Variants in KCNQ5 observed in about 807,000 individuals in gnomAD.
KCNQ5 encodes the protein potassium voltage-gated channel subfamily KQT member 5.
A neutral mutation model predicts 98.2 loss-of-function variants in KCNQ5; 30 were observed. That is an observed-to-expected ratio of 0.31 (90% CI 0.23 to 0.41). KCNQ5 has a LOEUF of 0.41. Ranked by LOEUF, KCNQ5 falls within the 10% of genes least tolerant of loss-of-function variation. The pLI is 1.00. For synonymous variants in KCNQ5, 458 were observed against 449.4 expected, an observed-to-expected ratio of 1.02 and a Z score of -0.24; for missense variants, 835 against 1,182.5, an observed-to-expected ratio of 0.71 and a Z score of 4.31.
At position 72,850,699 on chromosome 6, in the gene KCNQ5, CTA is replaced by C. The variant is rs1777217964; in HGVS notation, c.399-153208_399-153207del. 1.3e-5 allele frequency among the ~76,000 whole-genome samples: 2 copies of C among 152,158 alleles called. 1 individual carries two copies. The highest frequency in any genetic ancestry group is 4.1e-4 in the South Asian group (2 of 4,834). On this transcript the variant is annotated intron_variant, in intron 1 of 13. Transcript: ENST00000370398. ...GGTCACAGCCATAGCTGGAGCTTCTCTAAACAACCAGGTTTTCCTGGTTGGAT... is the reference window on the plus strand; with the variant it reads ...GGTCACAGCCATAGCTGGAGCTTCTCAACAACCAGGTTTTCCTGGTTGGAT...
chr6:72,839,364 T>A (rs1341132867), intron 1 of KCNQ5, among the ~76,000 whole-genome samples: 2 of 152,252 alleles, frequency 1.3e-5, no homozygotes, highest in Non-Finnish European at 2.9e-5. Flanking sequence ...CTTTAAAATA[T>A]TTGCCTTATA....
intron 10 of KCNQ5, among the ~76,000 whole-genome samples, chr6:73,138,143 G>A (rs565438298): frequency 1.8e-3 from 277 of 152,298 alleles, no homozygotes; most frequent in African/African-American, 6.5e-3. Flanking sequence ...AGCCATACTG[G>A]TCTGTGTCTA....
chr6:72,924,847 C>T (rs1780558177), intron 1 of KCNQ5, among the ~76,000 whole-genome samples: 1 of 152,106 alleles, frequency 6.6e-6, no homozygotes, highest in Admixed American at 6.6e-5. Flanking sequence ...AGTGAGGGAC[C>T]TCTGGCTGTT....
At chr6:72,937,012 C>T (rs1364508291) in intron 1 of KCNQ5, among the ~76,000 whole-genome samples, 1 of 152,142 alleles carries the variant, frequency 6.6e-6, no homozygotes, top group African/African-American at 2.4e-5. Context: ...GAGCTATATG[C>T]GTCTCCAGAG....
intron 1 of KCNQ5, among the ~76,000 whole-genome samples, chr6:72,937,370 G>A (rs1034640293): frequency 1.3e-5 from 2 of 152,070 alleles, no homozygotes; most frequent in African/African-American, 4.8e-5. Context: ...TGCCCTGAGG[G>A]ACAGGATAAC....
chr6:72,864,989 G>T (rs375307725), intron 1 of KCNQ5, among the ~76,000 whole-genome samples: 5 of 152,288 alleles, frequency 3.3e-5, no homozygotes, highest in African/African-American at 1.2e-4. Flanking sequence ...TATAGTTCAT[G>T]TCTTTCATCC....
chr6:73,027,213 A>G (rs1770930189), intron 2 of KCNQ5, among the ~76,000 whole-genome samples: 1 of 152,328 alleles, frequency 6.6e-6, no homozygotes. Context: ...ATACAGATCA[A>G]GGAACTAGTG....
intron 11 of KCNQ5, among the ~76,000 whole-genome samples, chr6:73,186,412 C>T (rs957615373): frequency 4.6e-5 from 7 of 152,162 alleles, no homozygotes; most frequent in African/African-American, 1.7e-4. Context: ...AAACTTAATC[C>T]TTAATAAGTA....
At chr6:72,735,768 C>A (rs6923028) in intron 1 of KCNQ5, among the ~76,000 whole-genome samples, 56,234 of 151,462 alleles carry the variant, frequency 0.37, 13,776 homozygotes, top group African/African-American at 0.67. Flanking sequence ...TAAATGTAGT[C>A]ATTTTAGATG....
At chr6:72,777,980 G>T (rs1773244957) in intron 1 of KCNQ5, among the ~76,000 whole-genome samples, 1 of 152,182 alleles carries the variant, frequency 6.6e-6, no homozygotes, top group Non-Finnish European at 1.5e-5. Flanking sequence ...TCAGTTGGCA[G>T]TAGGATAATC....
At chr6:73,111,173 T>C (rs1775227639) in intron 6 of KCNQ5, 135 bp from the exon 7 acceptor site, 1 of 653,832 alleles carries the variant, frequency 1.5e-6, no homozygotes, top group Non-Finnish European at 2.7e-6. Flanking sequence ...CTGCTTATTT[T>C]AATAAGTAAC....
At chr6:73,115,405 C>T (rs1277609766) in intron 7 of KCNQ5, among the ~76,000 whole-genome samples, 1 of 152,062 alleles carries the variant, frequency 6.6e-6, no homozygotes, top group Non-Finnish European at 1.5e-5. Flanking sequence ...TTCTCCAGAA[C>T]AGGAGGACAG....
At chr6:73,023,465 G>GCA (rs1770705287) in intron 2 of KCNQ5, among the ~76,000 whole-genome samples, 2 of 151,956 alleles carry the variant, frequency 1.3e-5, no homozygotes, top group African/African-American at 4.8e-5. Context: ...AAGGGAACTC[G>GCA]TGAGGTGGAG....
At chr6:72,946,272 G>T (rs1274170412) in intron 1 of KCNQ5, among the ~76,000 whole-genome samples, 1 of 152,126 alleles carries the variant, frequency 6.6e-6, no homozygotes, top group Non-Finnish European at 1.5e-5. Context: ...CCTCTCGGAT[G>T]AAGTGTTACA....
At chr6:72,947,495 G>A (rs1022744908) in intron 1 of KCNQ5, among the ~76,000 whole-genome samples, 8 of 152,082 alleles carry the variant, frequency 5.3e-5, no homozygotes, top group Admixed American at 1.3e-4. Flanking sequence ...GTTCTTAGCC[G>A]CTGGTTTGAA....
intron 1 of KCNQ5, among the ~76,000 whole-genome samples, chr6:72,697,063 A>G (rs898204709): frequency 1.3e-5 from 2 of 152,218 alleles, no homozygotes; most frequent in Non-Finnish European, 2.9e-5. Context: ...AAGTTGAGGT[A>G]AAATTCTTTT....
chr6:73,160,340 G>T (rs1320099904), intron 10 of KCNQ5, among the ~76,000 whole-genome samples: 1 of 152,142 alleles, frequency 6.6e-6, no homozygotes, highest in Non-Finnish European at 1.5e-5. Flanking sequence ...TGACAATTGG[G>T]TTTTATTTTT....
chr6:73,027,833 A>G (rs1381873463), intron 2 of KCNQ5, among the ~76,000 whole-genome samples: 1 of 152,208 alleles, frequency 6.6e-6, no homozygotes, highest in Non-Finnish European at 1.5e-5. Flanking sequence ...AGTGTTCTGG[A>G]AGAAGATAAG....
intron 5 of KCNQ5, among the ~76,000 whole-genome samples, chr6:73,087,776 G>C (rs1774051536): frequency 6.6e-6 from 1 of 152,100 alleles, no homozygotes. Flanking sequence ...GAAGTGAAGA[G>C]AAGAGTGCTT....
Sources: allele counts gnomAD v4.1 joint callset (sites outside exome capture counted in the v4.1 genomes callset), GRCh38; gene constraint gnomAD v4.1.1; transcripts MANE v1.5; gene names NCBI Gene and HGNC (gene_info 2026-07-23, HGNC 2026-07-21).